NRIP1: variants seen among roughly 807,000 people sequenced by gnomAD.
The protein encoded by NRIP1 is nuclear receptor interacting protein 1, also known as nuclear receptor-interacting protein 1.
In NRIP1, 28 loss-of-function variants were observed where a neutral mutation model predicts 75.0. That is an observed-to-expected ratio of 0.37 (90% CI 0.28 to 0.51). NRIP1 has a LOEUF of 0.51. Among genes scored for constraint, NRIP1 ranks in the 20% least tolerant of loss-of-function variants. The pLI, the probability that NRIP1 is intolerant of heterozygous loss-of-function variation, is 0.92. For missense variants in NRIP1, 1,435 were observed against 1,343.7 expected (o/e 1.07, Z -1.06); for synonymous variants, 526 against 487.6 (o/e 1.08, Z -1.04).
At chr21:15,063,065 A>C (rs911154037) in intron 1 of NRIP1, among the ~76,000 whole-genome samples, 6 of 152,010 alleles carry the variant, frequency 3.9e-5, no homozygotes, top group African/African-American at 1.5e-4. Context: ...TCACACTCCT[A>C]GGGCACTTTT....
rs2086671949 is a variant in NRIP1 at position 14,964,638 on chromosome 21, T to A, written c.*78A>T. ...CAATTATACCATGCTTTTTTTCAAA[T>A]CATGCTCTTATTTATACAGATCTCA... is the stretch of plus-strand genomic sequence containing the variant. On this transcript the variant is annotated 3_prime_UTR_variant, in exon 4 of 4. Transcript: ENST00000318948. 1.8e-6 allele frequency: 2 copies of A among 1,109,266 alleles called. No homozygotes were observed. Among genetic ancestry groups the A allele is most frequent in the East Asian group, 5.1e-5 (2 of 39,566 alleles). 68.7% of individuals were successfully genotyped at this position (1,109,266 alleles called of 1,614,324 possible).
Position 15,006,175 on chromosome 21 carries a change from G to GA in NRIP1, c.-335+8168dup, listed in dbSNP as rs145788672. On this transcript the variant is annotated intron_variant, in intron 3 of 3. Transcript: ENST00000318948. The stretch of plus-strand genomic sequence containing the variant: ...ACATGATGAATACATTCTTAAGACG[G>GA]AAAAAAAAAATCATTAGAATAGTGA... 6.7e-3 allele frequency among the ~76,000 whole-genome samples: 999 copies of GA among 148,796 alleles called. 5 individuals are homozygous for GA. The highest frequency in any genetic ancestry group is 0.012 in the Non-Finnish European group (795 of 67,084).
At chr21:14,983,544 T>C (rs2087305877) in intron 3 of NRIP1, among the ~76,000 whole-genome samples, 1 of 152,142 alleles carries the variant, frequency 6.6e-6, no homozygotes, top group South Asian at 2.1e-4. Context: ...CTGAGTGAGA[T>C]AAATGATGAA....
At chr21:15,018,653 G>A (rs1364394242) in intron 2 of NRIP1, among the ~76,000 whole-genome samples, 2 of 152,136 alleles carry the variant, frequency 1.3e-5, no homozygotes, top group African/African-American at 4.8e-5. Flanking sequence ...GAGCATAAAG[G>A]ATGATCTCAA....
At chr21:14,985,727 G>A (rs2087380928) in intron 3 of NRIP1, among the ~76,000 whole-genome samples, 1 of 152,030 alleles carries the variant, frequency 6.6e-6, no homozygotes, top group Admixed American at 6.6e-5. Context: ...AGTAAGATCT[G>A]GTATGGATTT....
chr21:14,993,924 G>A (rs1003927038), intron 3 of NRIP1, among the ~76,000 whole-genome samples: 3 of 152,104 alleles, frequency 2.0e-5, no homozygotes, highest in East Asian at 3.9e-4. Flanking sequence ...AACAATTTTC[G>A]GTATAATACT....
chr21:14,968,044 T>C lies in NRIP1; in HGVS notation c.149A>G (p.Asn50Ser). 1 of 1,614,096 alleles carries C rather than the reference T, an allele frequency of 6.2e-7. No homozygotes were observed. The highest frequency in any genetic ancestry group is 1.3e-5 in the African/African-American group (1 of 75,052). ...KSAGHNEEDQ[N>S]FNISGSAFPT... The stretch of plus-strand genomic sequence containing the variant: ...AAATGCACTGCCAGAAATGTTAAAG[T>C]TCTGATCCTCTTCATTATGCCCAGC... Residue 50 changes from asparagine to serine, a missense_variant, in exon 4 of 4, where the codon AAC becomes AGC. By Grantham distance (46) the Asn-to-Ser change is conservative (BLOSUM62 1). Transcript: ENST00000318948.
Position 14,966,670 on chromosome 21 carries a change from T to G in NRIP1, c.1523A>C (p.Lys508Thr). The change falls in exon 4 of 4, where the codon AAG (lysine) becomes ACG (threonine). Residue 508 changes from lysine (K) to threonine (T), a missense_variant. By Grantham distance (78) the Lys-to-Thr change is moderately conservative. Coordinates refer to ENST00000318948, the MANE Select transcript of NRIP1 (RefSeq NM_003489.4). ...GTTTTTTTCTACATTTTCTTCATTC[T>G]TATGGCCAAGTAGCAATTGAAGAAG... ...VTLLQLLLGH[K>T]NEENVEKNTS... 1 of 1,614,142 alleles carries G rather than the reference T, an allele frequency of 6.2e-7. No individual in the cohort carries two copies. Among genetic ancestry groups the G allele is most frequent in the Non-Finnish European group, 8.5e-7 (1 of 1,179,998 alleles).
intron 1 of NRIP1, among the ~76,000 whole-genome samples, chr21:15,054,757 T>A (rs1166567791): frequency 5.3e-5 from 8 of 152,226 alleles, no homozygotes; most frequent in Non-Finnish European, 1.5e-5. Flanking sequence ...CTTATAGACA[T>A]CCTTCTGTGT....
Position 14,964,931 on chromosome 21 carries a change from C to G in NRIP1, c.3262G>C (p.Asp1088His). 1 of 1,613,772 alleles carries G rather than the reference C, an allele frequency of 6.2e-7. No individual in the cohort carries two copies. Among genetic ancestry groups the G allele is most frequent in the Non-Finnish European group, 8.5e-7 (1 of 1,179,826 alleles). Residue 1088 changes from aspartate (D) to histidine (H), a missense_variant, in exon 4 of 4, where the codon GAC becomes CAC. Asp to His is a moderately conservative substitution (Grantham distance 81). Transcript: ENST00000318948. ...GCAGATGAAGCCTCCCTCCAAATGT[C>G]CTTGTCTTGTGTTTCTCGACTGGTA... is the stretch of plus-strand genomic sequence containing the variant. ...SVTSRETQDKDIWREASSAES... is the reference protein window; with the variant it reads ...SVTSRETQDKHIWREASSAES...
At chr21:15,027,673 T>C (rs1182677634) in intron 2 of NRIP1, among the ~76,000 whole-genome samples, 1 of 152,192 alleles carries the variant, frequency 6.6e-6, no homozygotes, top group Non-Finnish European at 1.5e-5. Context: ...TTCAGAACTG[T>C]CTGATGAAAG....
In NRIP1 at chr21:14,967,567, T is replaced by A. The variant is rs1263621659; in HGVS notation, c.626A>T (p.Asn209Ile). The A allele has an allele frequency of 6.2e-7, 1 of 1,614,050 alleles. No individual in the cohort carries two copies. The highest frequency in any genetic ancestry group is 1.3e-5 in the African/African-American group (1 of 75,014). Reference protein sequence around the residue: ...PDTNLPDVTKNLIRDRFAESP... With the variant: ...PDTNLPDVTKILIRDRFAESP... ...CTCTGCAAACCTATCTCTGATGAGG[T>A]TTTTAGTCACATCAGGAAGATTCGT... The change falls in exon 4 of 4, where the codon AAC (asparagine) becomes ATC (isoleucine). Residue 209 changes from asparagine to isoleucine, a missense_variant. Asn to Ile is a moderately radical substitution (Grantham distance 149). Transcript: ENST00000318948.
intron 3 of NRIP1, among the ~76,000 whole-genome samples, chr21:14,971,167 C>T (rs1444414355): frequency 1.3e-5 from 2 of 152,122 alleles, no homozygotes; most frequent in African/African-American, 4.8e-5. Flanking sequence ...TTTTATTAAG[C>T]TCCTTGGGTC....
At chr21:14,969,530 A>T (rs1251294096) in intron 3 of NRIP1, among the ~76,000 whole-genome samples, 1 of 152,238 alleles carries the variant, frequency 6.6e-6, no homozygotes, top group Non-Finnish European at 1.5e-5. Context: ...AAAACTTGAT[A>T]GGTAAGTGTC....
At position 14,967,217 on chromosome 21, in the gene NRIP1, T is replaced by G; in HGVS notation, c.976A>C (p.Asn326His). 1 of 1,614,026 alleles carries G rather than the reference T, an allele frequency of 6.2e-7. No individual in the cohort carries two copies. Among genetic ancestry groups the G allele is most frequent in the Non-Finnish European group, 8.5e-7 (1 of 1,180,004 alleles). The change falls in exon 4 of 4, where the codon AAT becomes CAT. Residue 326 changes from asparagine to histidine, a missense_variant. Asn to His is a moderately conservative substitution (Grantham distance 68). Coordinates refer to ENST00000318948, the MANE Select transcript of NRIP1 (RefSeq NM_003489.4). ...CTTGATGATGTTCTTGCCTGACCAT[T>G]AAGATGGCTTGACATTCCTTTTGGG... is the stretch of plus-strand genomic sequence containing the variant. ...QLPKGMSSHLNGQARTSSSKL... is the reference protein window; with the variant it reads ...QLPKGMSSHLHGQARTSSSKL...
intron 2 of NRIP1, among the ~76,000 whole-genome samples, chr21:15,028,814 A>G (rs1291947289): frequency 1.3e-5 from 2 of 152,158 alleles, no homozygotes; most frequent in Non-Finnish European, 2.9e-5. Context: ...AATGGTCAAT[A>G]TCGTTCTTTT....
At position 14,967,045 on chromosome 21, in the gene NRIP1, A is replaced by G. The variant is rs1297175142; in HGVS notation, c.1148T>C (p.Leu383Pro). The G allele has an allele frequency of 1.9e-6, 3 of 1,614,060 alleles. No homozygotes were observed. The highest frequency in any genetic ancestry group is 2.5e-6 in the Non-Finnish European group (3 of 1,180,034). ...CTTAGGTATAGTCTGGCTTTTAAGA[A>G]GATGTAAAAGCAAACTATTGTTAGC... ...QAANNSLLLH[L>P]LKSQTIPKPM... The change falls in exon 4 of 4, where the codon CTT (leucine) becomes CCT (proline). Residue 383 changes from leucine (L) to proline (P), a missense_variant. Physicochemically the swap from Leu to Pro is moderately conservative, Grantham distance 98 (BLOSUM62 -3). Transcript: ENST00000318948.
intron 1 of NRIP1, among the ~76,000 whole-genome samples, chr21:15,058,088 GA>G (rs2089344757): frequency 6.6e-6 from 1 of 152,130 alleles, no homozygotes; most frequent in Non-Finnish European, 1.5e-5. Flanking sequence ...CAGAATTTTA[GA>G]ATTTAGAAAT....
At chr21:15,006,183 A>G (rs984392488) in intron 3 of NRIP1, among the ~76,000 whole-genome samples, 1 of 152,208 alleles carries the variant, frequency 6.6e-6, no homozygotes, top group African/African-American at 2.4e-5. Context: ...CGGAAAAAAA[A>G]AATCATTAGA....
Sources: gnomAD v4.1 joint callset for allele counts (sites outside exome capture counted in the v4.1 genomes callset) on GRCh38, gnomAD v4.1.1 for gene constraint, MANE v1.5 for transcripts, NCBI Gene and HGNC (gene_info 2026-07-23, HGNC 2026-07-21) for gene names.